TMPRSS15: variants seen among roughly 807,000 people sequenced by gnomAD.
TMPRSS15 encodes the protein transmembrane serine protease 15, also known as enteropeptidase.
TMPRSS15 carries 128 observed loss-of-function variants against 125.3 expected under a neutral mutation model. That is an observed-to-expected ratio of 1.02 (90% CI 0.89 to 1.18). The LOEUF is 1.18. Among genes scored for constraint, TMPRSS15 ranks in the 50% most tolerant of loss-of-function variants. TMPRSS15 has a pLI of 0.00. For missense variants in TMPRSS15, 1,283 were observed against 1,212.7 expected (o/e 1.06, Z -0.86); for synonymous variants, 446 against 423.2 (o/e 1.05, Z -0.66).
At chr21:18,294,705 G>T in intron 19 of TMPRSS15, 53 bp from the exon 20 acceptor site, 2 of 1,477,708 alleles carry the variant, frequency 1.4e-6, no homozygotes, top group Non-Finnish European at 1.9e-6. Context: ...ATATTTTCAA[G>T]TCAAACATCA....
intron 9 of TMPRSS15, among the ~76,000 whole-genome samples, chr21:18,353,332 T>C (rs565987930): frequency 1.3e-4 from 19 of 151,980 alleles, no homozygotes; most frequent in African/African-American, 4.6e-4. Flanking sequence ...CTTGTTTCCA[T>C]TGGTTCACCC....
intron 1 of TMPRSS15, among the ~76,000 whole-genome samples, chr21:18,445,996 T>C (rs1426042166): frequency 2.0e-5 from 3 of 152,110 alleles, no homozygotes; most frequent in East Asian, 1.9e-4. Flanking sequence ...GGCATCCAAA[T>C]TGGAAAGGAA....
chr21:18,475,930 T>G (rs921515915), intron 1 of TMPRSS15, among the ~76,000 whole-genome samples: 1 of 152,210 alleles, frequency 6.6e-6, no homozygotes, highest in African/African-American at 2.4e-5. Flanking sequence ...TATCTACATT[T>G]ATTAAATGTA....
chr21:18,354,764 G>C (rs2075607662), intron 8 of TMPRSS15, among the ~76,000 whole-genome samples: 1 of 151,748 alleles, frequency 6.6e-6, no homozygotes, highest in African/African-American at 2.4e-5. Context: ...ATGAAAAAAA[G>C]TGTTAACAAA....
At chr21:18,392,573 A>G (rs770430744) in intron 3 of TMPRSS15, among the ~76,000 whole-genome samples, 29 of 152,140 alleles carry the variant, frequency 1.9e-4, no homozygotes, top group Non-Finnish European at 3.4e-4. Context: ...GAGTTCTCCA[A>G]ACTACTCCAA....
intron 21 of TMPRSS15, among the ~76,000 whole-genome samples, chr21:18,285,000 CAA>C (rs113014415): frequency 0.014 from 1,972 of 143,320 alleles, 55 homozygotes; most frequent in African/African-American, 0.047. Flanking sequence ...AAACTCTGCC[CAA>C]AAAAAAAAAA....
At chr21:18,422,614 GT>G (rs1555911959) in intron 1 of TMPRSS15, among the ~76,000 whole-genome samples, 1 of 152,118 alleles carries the variant, frequency 6.6e-6, no homozygotes, top group Non-Finnish European at 1.5e-5. Flanking sequence ...AGCGTGGCAG[GT>G]GCTACAATTA....
Position 18,388,642 on chromosome 21 carries a change from CT to C in TMPRSS15, c.345-4865del, listed in dbSNP as rs1359342588. Among the ~76,000 whole-genome samples, 9 of 152,234 alleles carry C rather than the reference CT, an allele frequency of 5.9e-5. No homozygotes were observed. The East Asian group carries it at 1.7e-3, about 29-fold the overall frequency. The stretch of plus-strand genomic sequence containing the variant: ...ACCTCTCCTTAAAGGAGGTTAAAGC[CT>C]TTTGGAAATAAATCTGAATTGATGC... On this transcript the variant is annotated intron_variant, in intron 3 of 24. Coordinates refer to ENST00000284885, the MANE Select transcript of TMPRSS15 (RefSeq NM_002772.3).
At chr21:18,396,791 A>AAAATCTGTCT (rs547335576) in intron 3 of TMPRSS15, among the ~76,000 whole-genome samples, 2 of 57,878 alleles carry the variant, frequency 3.5e-5, no homozygotes, top group African/African-American at 1.3e-4. Context: ...AAAAAAAAAA[A>AAAATCTGTCT]ATCTGTCTGT....
chr21:18,381,749 T>A (rs184565086), intron 4 of TMPRSS15, among the ~76,000 whole-genome samples: 12 of 152,250 alleles, frequency 7.9e-5, no homozygotes, highest in African/African-American at 2.9e-4. Flanking sequence ...TCTGTCAATT[T>A]GCTTGCCAGA....
intron 17 of TMPRSS15, among the ~76,000 whole-genome samples, chr21:18,313,466 A>G (rs2075124179): frequency 6.6e-6 from 1 of 151,034 alleles, no homozygotes; most frequent in South Asian, 2.1e-4. Flanking sequence ...GTAACCCATA[A>G]ATATATAGAA....
At chr21:18,343,828 G>T (rs950181204) in intron 11 of TMPRSS15, 127 bp downstream of exon 11, 1 of 1,160,372 alleles carries the variant, frequency 8.6e-7, no homozygotes, top group Non-Finnish European at 1.3e-6. Flanking sequence ...CTTATCAGTT[G>T]GGAAAAGTAA....
intron 13 of TMPRSS15, among the ~76,000 whole-genome samples, chr21:18,336,034 G>A (rs180920420): frequency 0.01 from 1,496 of 148,280 alleles, 17 homozygotes; most frequent in Non-Finnish European, 0.014. Flanking sequence ...CATATACTAT[G>A]TAAATAACAT....
At chr21:18,326,343 A>T in intron 16 of TMPRSS15, 89 bp downstream of exon 16, 1 of 1,523,882 alleles carries the variant, frequency 6.6e-7, no homozygotes, top group Non-Finnish European at 9.1e-7. Context: ...GGAAAGCATT[A>T]AAATCATGAT....
intron 1 of TMPRSS15, among the ~76,000 whole-genome samples, chr21:18,434,157 G>A (rs572721933): frequency 5.9e-5 from 9 of 152,080 alleles, no homozygotes; most frequent in African/African-American, 1.9e-4. Context: ...TAGCATATAC[G>A]TGTTCGTACA....
At chr21:18,302,734 A>G (rs1443163003) in intron 18 of TMPRSS15, among the ~76,000 whole-genome samples, 1 of 152,216 alleles carries the variant, frequency 6.6e-6, no homozygotes. Context: ...ATGGTATTAC[A>G]AAGGAAAGAA....
chr21:18,340,722 ATTACTCCTTAAGAAGCCCACAAAAACC>A (rs1219604171), intron 13 of TMPRSS15, among the ~76,000 whole-genome samples: 1 of 147,540 alleles, frequency 6.8e-6, no homozygotes. Flanking sequence ...AACTCTTAAA[ATTACTCCTTAAGAAGCCCACAAAAACC>A]TCAAGGCACC....
At chr21:18,304,987 A>G (rs903252441) in intron 18 of TMPRSS15, among the ~76,000 whole-genome samples, 2 of 152,056 alleles carry the variant, frequency 1.3e-5, no homozygotes, top group Non-Finnish European at 2.9e-5. Context: ...TCTCCAAATT[A>G]AGTTTCCCCA....
chr21:18,334,424 GA>G (rs1367388178), intron 13 of TMPRSS15, among the ~76,000 whole-genome samples: 1 of 152,134 alleles, frequency 6.6e-6, no homozygotes. Context: ...CTCATATGGG[GA>G]GAGAACGCAA....
Sources: gnomAD v4.1 joint callset for allele counts (sites outside exome capture counted in the v4.1 genomes callset) on GRCh38, gnomAD v4.1.1 for gene constraint, MANE v1.5 for transcripts, NCBI Gene and HGNC (gene_info 2026-07-23, HGNC 2026-07-21) for gene names.